The following TACC2 variants were observed in gnomAD, a reference collection of about 807,000 sequenced individuals.
TACC2 encodes transforming acidic coiled-coil-containing protein 2.
A neutral mutation model predicts 227.3 loss-of-function variants in TACC2; 137 were observed. The ratio of observed to expected loss-of-function variants is 0.60; its 90% CI spans 0.52 to 0.69. The LOEUF (loss-of-function observed/expected upper bound fraction) is 0.69, where lower values mean the gene tolerates loss of function less well. Ranked by LOEUF, TACC2 falls within the 30% of genes least tolerant of loss-of-function variation. TACC2 has a pLI of 0.00. For missense variants in TACC2, 3,470 were observed against 3,694.4 expected (o/e 0.94, Z 1.57); for synonymous variants, 1,523 against 1,487.5 (o/e 1.02, Z -0.55).
chr10:122,173,780 C>T (rs2093586940), intron 7 of TACC2, among the ~76,000 whole-genome samples: 2 of 152,218 alleles, frequency 1.3e-5, no homozygotes, highest in Admixed American at 6.5e-5. Flanking sequence ...TCCTTCCTGC[C>T]CAGCCTTTCT....
chr10:122,195,110 C>A lies in TACC2; in HGVS notation c.5905C>A (p.Pro1969Thr), dbSNP rs1384973683. The A allele has an allele frequency of 2.5e-6, 4 of 1,611,818 alleles. No homozygotes were observed. The highest frequency in any genetic ancestry group is 3.4e-6 in the Non-Finnish European group (4 of 1,178,362). Residue 1969 changes from proline (P) to threonine (T), a missense_variant, in exon 8 of 23, where the codon CCC becomes ACC. Pro to Thr is a conservative substitution (Grantham distance 38, BLOSUM62 -1). Coordinates refer to ENST00000369005, the MANE Select transcript of TACC2 (RefSeq NM_206862.4). Reference protein sequence around the residue: ...TTPVKAPPAPPPPPPEVIPEP... With the variant: ...TTPVKAPPAPTPPPPEVIPEP... Reference sequence around the variant, plus strand: ...CCCTGTCAAAGCTCCGCCAGCTCCACCCCCACCACCCCCCGAAGTCATCCC... The same window carrying A: ...CCCTGTCAAAGCTCCGCCAGCTCCAACCCCACCACCCCCCGAAGTCATCCC...
chr10:122,084,671 C>G lies in TACC2; in HGVS notation c.2171C>G (p.Pro724Arg). 6.2e-7 allele frequency: 1 copy of G among 1,613,728 alleles called. No homozygotes were observed. The highest frequency in any genetic ancestry group is 8.5e-7 in the Non-Finnish European group (1 of 1,180,034). The change falls in exon 4 of 23, where the codon CCA becomes CGA. Residue 724 changes from proline (P) to arginine (R), a missense_variant. Around this residue, in one of 10 missense-constraint regions of TACC2, gnomAD observed 1,924 missense variants for 1,978.3 expected, o/e 0.97. Coordinates refer to ENST00000369005, the MANE Select transcript of TACC2 (RefSeq NM_206862.4). ...TTAGAATCAGAGAAATCAGATTTTC[C>G]ACCAACTCCTGTTGCAGAGGTTGCA... ...LTLESEKSDF[P>R]PTPVAEVAPK...
At chr10:122,008,264 A>ATTTTTTTTTTTTTTTT (rs71022877) in intron 1 of TACC2, among the ~76,000 whole-genome samples, 1 of 134,650 alleles carries the variant, frequency 7.4e-6, no homozygotes, top group African/African-American at 2.8e-5. Flanking sequence ...TATTATTATT[A>ATTTTTTTTTTTTTTTT]TTTTTTTTTT....
rs11597437 is a variant in TACC2, at chr10:122,084,849, G to A, written c.2349G>A (p.Gln783=). Reference sequence around the variant, plus strand: ...ATGCTGGGGTGCCACATCCCCCCCAGGGGGAGAACTTGGCAGCAGACCTGG... The same window carrying A: ...ATGCTGGGGTGCCACATCCCCCCCAAGGGGAGAACTTGGCAGCAGACCTGG... The part of the protein sequence containing the change: ...EFHAGVPHPP[Q]GENLAADLGL... Residue 783 remains glutamine (Q), a synonymous_variant, in exon 4 of 23, where the codon CAG becomes CAA. Transcript: ENST00000369005. 6.2e-7 allele frequency: 1 copy of A among 1,613,916 alleles called. No homozygotes were observed. The highest frequency in any genetic ancestry group is 2.2e-5 in the East Asian group (1 of 44,872).
chr10:122,135,705 A>G lies in TACC2; in HGVS notation c.5699+2971A>G, dbSNP rs1049571458. On this transcript the variant is annotated intron_variant, in intron 6 of 22. Coordinates refer to ENST00000369005, the MANE Select transcript of TACC2 (RefSeq NM_206862.4). ...TGAATTTGCCTTCTCACTAAAATGTATTGATTACCCCAGAGTTGATACTTG... is the reference window on the plus strand; with the variant it reads ...TGAATTTGCCTTCTCACTAAAATGTGTTGATTACCCCAGAGTTGATACTTG... Among the ~76,000 whole-genome samples the G allele has an allele frequency of 3.9e-5, 6 of 152,340 alleles. No homozygotes were observed. In the East Asian group the frequency reaches 1.2e-3, roughly 29 times the overall value.
intron 1 of TACC2, among the ~76,000 whole-genome samples, chr10:122,009,630 T>C (rs1017916687): frequency 6.6e-6 from 1 of 152,136 alleles, no homozygotes; most frequent in African/African-American, 2.4e-5. Flanking sequence ...TTAAAAATTA[T>C]ATAATGGTTG....
chr10:122,108,793 G>C (rs1406747041), intron 5 of TACC2, among the ~76,000 whole-genome samples: 1 of 150,400 alleles, frequency 6.6e-6, no homozygotes, highest in Non-Finnish European at 1.5e-5. Context: ...GAGTGCAATG[G>C]TGCGATCCCG....
At chr10:122,039,871 T>C (rs2074031691) in intron 2 of TACC2, among the ~76,000 whole-genome samples, 1 of 152,146 alleles carries the variant, frequency 6.6e-6, no homozygotes, top group South Asian at 2.1e-4. Context: ...TCTCTGTTCC[T>C]GAGGGAAGAG....
intron 6 of TACC2, among the ~76,000 whole-genome samples, chr10:122,133,993 C>T (rs945107303): frequency 2.6e-5 from 4 of 152,128 alleles, no homozygotes; most frequent in South Asian, 4.2e-4. Flanking sequence ...TGCAGGCAGG[C>T]GGCCGACAGC....
intron 5 of TACC2, among the ~76,000 whole-genome samples, chr10:122,112,106 G>GTC (rs1280068283): frequency 6.6e-6 from 1 of 152,164 alleles, no homozygotes; most frequent in African/African-American, 2.4e-5. Context: ...TAATTTCTGA[G>GTC]TCTCATGCCC....
chr10:122,190,532 C>CT (rs1377254037), intron 7 of TACC2, among the ~76,000 whole-genome samples: 1 of 152,176 alleles, frequency 6.6e-6, no homozygotes, highest in East Asian at 1.9e-4. Flanking sequence ...GTTGTTCCCT[C>CT]TTTCCTGCTT....
intron 5 of TACC2, among the ~76,000 whole-genome samples, chr10:122,096,421 G>T (rs993545266): frequency 1.3e-5 from 2 of 152,212 alleles, no homozygotes; most frequent in African/African-American, 4.8e-5. Context: ...TACCGGCCAG[G>T]CGCGGTGGCT....
chr10:122,073,146 TATATATAC>T (rs1362101068), intron 3 of TACC2, among the ~76,000 whole-genome samples: 14,875 of 98,316 alleles, frequency 0.15, 2,061 homozygotes, highest in Non-Finnish European at 0.2. Flanking sequence ...TATATATATA[TATATATAC>T]ACACACACAC....
At chr10:122,249,475 C>A in intron 21 of TACC2, 69 bp from the exon 22 acceptor site, 1 of 1,576,454 alleles carries the variant, frequency 6.3e-7, no homozygotes, top group Non-Finnish European at 8.7e-7. Flanking sequence ...CCTGCCTGGA[C>A]CTGGGAAGCA....
chr10:122,008,264 A>ATTATTTTT, intron 1 of TACC2, among the ~76,000 whole-genome samples: 39 of 134,664 alleles, frequency 2.9e-4, no homozygotes, highest in African/African-American at 9.3e-4. Flanking sequence ...TATTATTATT[A>ATTATTTTT]TTTTTTTTTT....
intron 4 of TACC2, 117 bp downstream of exon 4, chr10:122,088,076 A>T (rs149663406): frequency 9.7e-6 from 11 of 1,131,888 alleles, no homozygotes; most frequent in African/African-American, 7.9e-5. Context: ...TGAGTTTTCC[A>T]TATCTAATTG....
chr10:122,091,346 A>C (rs11200391), intron 5 of TACC2, among the ~76,000 whole-genome samples: 71,818 of 152,038 alleles, frequency 0.47, 19,073 homozygotes, highest in Non-Finnish European at 0.61. Context: ...GTTAAAATGT[A>C]TTACTAAAAT....
intron 6 of TACC2, among the ~76,000 whole-genome samples, chr10:122,133,811 TC>T (rs1380731431): frequency 6.6e-6 from 1 of 152,148 alleles, no homozygotes; most frequent in Admixed American, 6.5e-5. Context: ...TAATTCCGTC[TC>T]CTTCACTAGA....
chr10:122,052,420 G>A (rs373110243), intron 3 of TACC2: 1 of 152,000 alleles, frequency 6.6e-6, no homozygotes, highest in Non-Finnish European at 1.5e-5. Context: ...GCATAAAAGA[G>A]GTGCCCGTAA....
Sources: gnomAD v4.1 joint callset for allele counts (sites outside exome capture counted in the v4.1 genomes callset) on GRCh38, gnomAD v4.1.1 for gene constraint, gnomAD v4.1.1 regional missense constraint, MANE v1.5 for transcripts, NCBI Gene and HGNC (gene_info 2026-07-23, HGNC 2026-07-21) for gene names.